The following CACNA2D1 variants were observed in gnomAD, a reference collection of about 807,000 sequenced individuals.
The protein encoded by CACNA2D1 is voltage-dependent calcium channel subunit alpha-2/delta-1.
Under a neutral mutation model 171.5 loss-of-function variants are expected in CACNA2D1, and 53 were observed. The ratio of observed to expected loss-of-function variants is 0.31; its 90% CI spans 0.25 to 0.39. The LOEUF (loss-of-function observed/expected upper bound fraction) is 0.39, where lower values mean the gene tolerates loss of function less well. Ranked by LOEUF, CACNA2D1 falls within the 10% of genes least tolerant of loss-of-function variation. The pLI is 1.00. For synonymous variants in CACNA2D1, 442 were observed against 443.1 expected (o/e 1.00, Z 0.03); for missense variants, 903 against 1,299.8 (o/e 0.69, Z 4.69).
At chr7:81,993,820 A>T (rs1295172774) in intron 20 of CACNA2D1, among the ~76,000 whole-genome samples, 1 of 152,170 alleles carries the variant, frequency 6.6e-6, no homozygotes, top group East Asian at 1.9e-4. Context: ...TGTCAAAAAA[A>T]GTAATTTGCA....
intron 18 of CACNA2D1, among the ~76,000 whole-genome samples, chr7:82,004,554 TGTGA>T (rs1382254474): frequency 1.3e-5 from 2 of 152,080 alleles, no homozygotes; most frequent in African/African-American, 4.8e-5. Flanking sequence ...CAAGTTTTTG[TGTGA>T]GTATGTTCAC....
At chr7:82,079,716 G>A (rs1432191307) in intron 7 of CACNA2D1, among the ~76,000 whole-genome samples, 4 of 150,638 alleles carry the variant, frequency 2.7e-5, no homozygotes, top group Admixed American at 2.0e-4. Context: ...AAAAGTTGAC[G>A]TCATAGAACA....
Position 82,443,606 on chromosome 7 carries a change from C to T in CACNA2D1, c.-147G>A. On this transcript the variant is annotated 5_prime_UTR_variant, in exon 1 of 39. Coordinates refer to ENST00000356860, the MANE Select transcript of CACNA2D1 (RefSeq NM_000722.4). ...TGCGCCCGGGGCCCGAGGCGCGGAG[C>T]CGCGCGGGGGACGGCAAGGGCGGGA... The T allele has an allele frequency of 1.5e-6, 2 of 1,377,418 alleles. No individual in the cohort carries two copies. Among genetic ancestry groups the T allele is most frequent in the Non-Finnish European group, 1.9e-6 (2 of 1,070,564 alleles). 85.3% of individuals were successfully genotyped at this position (1,377,418 alleles called of 1,614,324 possible).
At chr7:82,402,491 T>C (rs935031241) in intron 1 of CACNA2D1, among the ~76,000 whole-genome samples, 2 of 151,884 alleles carry the variant, frequency 1.3e-5, no homozygotes, top group African/African-American at 4.8e-5. Flanking sequence ...GGCAGGTGGA[T>C]CACAAGATCA....
intron 3 of CACNA2D1, among the ~76,000 whole-genome samples, chr7:82,197,834 T>C (rs1799005840): frequency 6.6e-6 from 1 of 151,942 alleles, no homozygotes; most frequent in Admixed American, 6.6e-5. Context: ...CACTACCATG[T>C]GTTTTAATTA....
At chr7:82,008,542 TACTG>T (rs1316557481) in intron 15 of CACNA2D1, among the ~76,000 whole-genome samples, 1 of 152,192 alleles carries the variant, frequency 6.6e-6, no homozygotes, top group Non-Finnish European at 1.5e-5. Flanking sequence ...TTGCTTTTGT[TACTG>T]ACATCTATAT....
chr7:82,419,422 A>G lies in CACNA2D1; in HGVS notation c.95+23943T>C, dbSNP rs543501435. On this transcript the variant is annotated intron_variant, in intron 1 of 38. Coordinates refer to ENST00000356860, the MANE Select transcript of CACNA2D1 (RefSeq NM_000722.4). ...TGCACTATGCACATGGGCAGGATAG[A>G]TAGCCTAATTTCCGCTCCAGACCCA... Among the ~76,000 whole-genome samples the G allele has an allele frequency of 2.2e-4, 34 of 152,276 alleles. No individual in the cohort carries two copies. In the South Asian group the frequency reaches 6.2e-3, roughly 28 times the overall value.
chr7:82,096,789 A>C (rs528339451), intron 6 of CACNA2D1, among the ~76,000 whole-genome samples: 2 of 151,942 alleles, frequency 1.3e-5, no homozygotes, highest in Non-Finnish European at 2.9e-5. Context: ...AGAAAGAAAA[A>C]GGTCTAACTC....
chr7:82,260,684 G>A (rs1806954387), intron 3 of CACNA2D1, among the ~76,000 whole-genome samples: 1 of 152,102 alleles, frequency 6.6e-6, no homozygotes, highest in Admixed American at 6.5e-5. Flanking sequence ...CCTTAGAAAG[G>A]TTACATAACT....
intron 4 of CACNA2D1, among the ~76,000 whole-genome samples, chr7:82,155,160 A>G (rs1398405544): frequency 2.6e-5 from 4 of 152,148 alleles, no homozygotes; most frequent in Non-Finnish European, 5.9e-5. Context: ...GAAACCAAAC[A>G]GATGTCAGCA....
intron 1 of CACNA2D1, among the ~76,000 whole-genome samples, chr7:82,398,806 T>G (rs745969693): frequency 6.6e-6 from 1 of 151,998 alleles, no homozygotes; most frequent in Admixed American, 6.6e-5. Context: ...GTCAAATTCC[T>G]GACCTCAAGA....
intron 1 of CACNA2D1, among the ~76,000 whole-genome samples, chr7:82,418,345 C>G (rs1220602613): frequency 6.6e-6 from 1 of 151,984 alleles, no homozygotes; most frequent in African/African-American, 2.4e-5. Context: ...TGGGTGGGGA[C>G]ACAGCCAAAC....
chr7:82,095,886 C>T (rs1811800664), intron 6 of CACNA2D1, among the ~76,000 whole-genome samples: 1 of 152,114 alleles, frequency 6.6e-6, no homozygotes, highest in Non-Finnish European at 1.5e-5. Context: ...TTTAGTTTAA[C>T]TTCAAGTTCT....
At chr7:82,341,657 AC>A (rs1272264917) in intron 2 of CACNA2D1, among the ~76,000 whole-genome samples, 1 of 152,176 alleles carries the variant, frequency 6.6e-6, no homozygotes, top group Non-Finnish European at 1.5e-5. Flanking sequence ...TAATGCAAAT[AC>A]CAACTGCTAA....
chr7:82,084,119 A>G (rs1426233022), intron 7 of CACNA2D1, among the ~76,000 whole-genome samples: 2 of 152,176 alleles, frequency 1.3e-5, no homozygotes, highest in Non-Finnish European at 2.9e-5. Flanking sequence ...AGGATGTCCT[A>G]GGAATTAATT....
At chr7:82,059,250 T>A (rs1806308862) in intron 10 of CACNA2D1, among the ~76,000 whole-genome samples, 1 of 152,148 alleles carries the variant, frequency 6.6e-6, no homozygotes, top group African/African-American at 2.4e-5. Context: ...CCATGAAATA[T>A]TTTGCCTAAA....
In CACNA2D1 at chr7:82,335,216, T is replaced by C; in HGVS notation, c.213A>G (p.Glu71=). 1 of 1,611,574 alleles carries C rather than the reference T, an allele frequency of 6.2e-7. No individual in the cohort carries two copies. The highest frequency in any genetic ancestry group is 1.1e-5 in the South Asian group (1 of 91,020). The change falls in exon 3 of 39, where the codon GAA becomes GAG. Residue 71 remains glutamate, a synonymous_variant. Coordinates refer to ENST00000356860, the MANE Select transcript of CACNA2D1 (RefSeq NM_000722.4). ...YEKYQDLYTV[E]PNNARQLVEI... is the part of the protein sequence containing the mutation. ...CTACCAGCTGGCGTGCATTATTTGG[T>C]TCCACAGTATACAAATCTTGATATT...
At chr7:82,047,664 T>G (rs1385218599) in intron 10 of CACNA2D1, among the ~76,000 whole-genome samples, 1 of 152,130 alleles carries the variant, frequency 6.6e-6, no homozygotes, top group Non-Finnish European at 1.5e-5. Context: ...GAACCACCAC[T>G]ACGTGCCTTG....
chr7:82,044,627 T>G (rs1453031940), intron 10 of CACNA2D1, among the ~76,000 whole-genome samples: 1 of 152,194 alleles, frequency 6.6e-6, no homozygotes, highest in Admixed American at 6.6e-5. Flanking sequence ...AATAAAATTT[T>G]GCATATTAGT....
Sources: allele counts gnomAD v4.1 joint callset (sites outside exome capture counted in the v4.1 genomes callset), GRCh38; gene constraint gnomAD v4.1.1; transcripts MANE v1.5; gene names NCBI Gene and HGNC (gene_info 2026-07-23, HGNC 2026-07-21).